UBE3D: variants seen among roughly 807,000 people sequenced by gnomAD.
The protein encoded by UBE3D is E3 ubiquitin-protein ligase E3D.
UBE3D carries 48 observed loss-of-function variants against 49.6 expected under a neutral mutation model. That is an observed-to-expected ratio of 0.97 (90% CI 0.77 to 1.23). The LOEUF is 1.23. Ranked by LOEUF, UBE3D falls within the 50% of genes most tolerant of loss-of-function variation. The probability of loss-of-function intolerance (pLI) is 0.00; values close to 1 mark genes in which losing one functional copy is unlikely to be tolerated. For missense variants in UBE3D, 452 were observed against 468.4 expected, an observed-to-expected ratio of 0.96 and a Z score of 0.32; for synonymous variants, 189 against 174.2, an observed-to-expected ratio of 1.08 and a Z score of -0.67.
intron 9 of UBE3D, among the ~76,000 whole-genome samples, chr6:82,922,338 A>G (rs1023375892): frequency 1.3e-5 from 2 of 152,212 alleles, no homozygotes; most frequent in African/African-American, 4.8e-5. Flanking sequence ...GGTAATTTCA[A>G]TCTTATATAA....
intron 9 of UBE3D, among the ~76,000 whole-genome samples, chr6:82,934,644 G>T (rs1315218299): frequency 6.6e-6 from 1 of 151,772 alleles, no homozygotes; most frequent in African/African-American, 2.4e-5. Flanking sequence ...CAAAACACAT[G>T]AAGACATCTA....
chr6:82,959,900 GGCA>G (rs1776431092), intron 8 of UBE3D, among the ~76,000 whole-genome samples: 1 of 152,006 alleles, frequency 6.6e-6, no homozygotes, highest in Admixed American at 6.6e-5. Flanking sequence ...GTGGAAGAAA[GGCA>G]GCTCCAGGAA....
At chr6:82,909,984 G>T (rs979726498) in intron 9 of UBE3D, among the ~76,000 whole-genome samples, 1 of 152,130 alleles carries the variant, frequency 6.6e-6, no homozygotes, top group Non-Finnish European at 1.5e-5. Context: ...TACCCTCAAC[G>T]TGTTCAAATG....
intron 9 of UBE3D, among the ~76,000 whole-genome samples, chr6:82,939,217 A>C (rs1465234866): frequency 6.6e-6 from 1 of 152,222 alleles, no homozygotes; most frequent in Non-Finnish European, 1.5e-5. Flanking sequence ...GGCTGCCCAG[A>C]GCCTGCCAGG....
chr6:82,981,704 A>G (rs1270077808), intron 8 of UBE3D, among the ~76,000 whole-genome samples: 1 of 152,140 alleles, frequency 6.6e-6, no homozygotes, highest in African/African-American at 2.4e-5. Context: ...CTCTGACAGA[A>G]CATTCTTCTA....
intron 8 of UBE3D, among the ~76,000 whole-genome samples, chr6:82,999,395 TA>T (rs1057343964): frequency 2.0e-5 from 3 of 152,156 alleles, no homozygotes; most frequent in African/African-American, 7.2e-5. Flanking sequence ...TGTTGGCTTT[TA>T]TATTTTTTGA....
At position 82,957,223 on chromosome 6, in the gene UBE3D, G is replaced by T. The variant is rs142923963; in HGVS notation, c.1149+89C>A. ...ATGATTTGAAACTAGGGAATTCCAC[G>T]GGCTATCTCCTGTGAAAGAGAGGAT... On this transcript the variant is annotated intron_variant, in intron 9 of 9. Transcript: ENST00000369747. 9.2e-5 allele frequency: 125 copies of T among 1,352,880 alleles called. 1 individual carries two copies. In the African/African-American group the frequency reaches 1.6e-3, roughly 17 times the overall value. 83.8% of individuals were successfully genotyped at this position (1,352,880 alleles called of 1,614,324 possible). A position where few individuals can be genotyped will look rare whatever the true frequency, so the allele number is the denominator to read the frequency against.
chr6:83,062,373 A>T (rs1784227131), intron 1 of UBE3D, among the ~76,000 whole-genome samples: 1 of 152,204 alleles, frequency 6.6e-6, no homozygotes. Flanking sequence ...TATGGCAGGA[A>T]TTAATCCATT....
chr6:82,933,140 C>A (rs921589702), intron 9 of UBE3D, among the ~76,000 whole-genome samples: 2 of 152,178 alleles, frequency 1.3e-5, no homozygotes, highest in African/African-American at 4.8e-5. Flanking sequence ...ATCACCTTCA[C>A]AGTATGACTC....
rs144470060 is a variant in UBE3D, at chr6:83,060,372, G to C, written c.78-2350C>G. 1.1e-4 allele frequency among the ~76,000 whole-genome samples: 17 copies of C among 152,334 alleles called. No homozygotes were observed. In the East Asian group the frequency reaches 3.3e-3, roughly 29 times the overall value. On this transcript the variant is annotated intron_variant, in intron 1 of 9. Transcript: ENST00000369747. ...ACAAAAAGAGAAAGCGAGGAAACTA[G>C]AATAGACCCTATGGTGGTGGGGCAG...
At chr6:82,910,882 C>A (rs1202295217) in intron 9 of UBE3D, among the ~76,000 whole-genome samples, 1 of 152,110 alleles carries the variant, frequency 6.6e-6, no homozygotes, top group Non-Finnish European at 1.5e-5. Flanking sequence ...GGGATCTTAA[C>A]AATCACTGTG....
chr6:83,008,096 G>C (rs144712546), intron 8 of UBE3D, among the ~76,000 whole-genome samples: 75 of 152,262 alleles, frequency 4.9e-4, no homozygotes, highest in African/African-American at 1.8e-3. Context: ...CAGATGTCTT[G>C]ATTAGGGTTT....
chr6:82,953,033 C>T (rs1775912675), intron 9 of UBE3D, among the ~76,000 whole-genome samples: 1 of 152,162 alleles, frequency 6.6e-6, no homozygotes, highest in Admixed American at 6.5e-5. Flanking sequence ...TTAAAGCTGC[C>T]ATTGCAGGAC....
chr6:82,915,228 A>G (rs1180580578), intron 9 of UBE3D, among the ~76,000 whole-genome samples: 2 of 152,206 alleles, frequency 1.3e-5, no homozygotes, highest in Non-Finnish European at 2.9e-5. Context: ...CATGCCTCTA[A>G]GACACAGCCT....
At chr6:82,957,249 C>G in intron 9 of UBE3D, 63 bp downstream of exon 9, 11 of 1,558,708 alleles carry the variant, frequency 7.1e-6, no homozygotes, top group Non-Finnish European at 8.8e-6. Flanking sequence ...AAGAGAGGAT[C>G]CTTAAAAAAT....
intron 5 of UBE3D, chr6:83,036,645 C>T (rs1782277573): frequency 6.6e-6 from 1 of 151,524 alleles, no homozygotes; most frequent in South Asian, 2.1e-4. Flanking sequence ...TAGTGTAAGG[C>T]AGTGAAATGC....
intron 8 of UBE3D, among the ~76,000 whole-genome samples, chr6:82,976,159 TG>T (rs1777703366): frequency 6.6e-6 from 1 of 152,230 alleles, no homozygotes; most frequent in African/African-American, 2.4e-5. Context: ...CCGGGGAATG[TG>T]GCTTCTTTGG....
At chr6:82,921,793 A>G (rs1374419834) in intron 9 of UBE3D, among the ~76,000 whole-genome samples, 1 of 152,232 alleles carries the variant, frequency 6.6e-6, no homozygotes, top group Non-Finnish European at 1.5e-5. Flanking sequence ...CAAGGAGAAC[A>G]TGAGCTTGCC....
Position 82,959,691 on chromosome 6 carries a change from C to T in UBE3D, c.1011-2241G>A, listed in dbSNP as rs1044404567. 3.0e-5 allele frequency among the ~76,000 whole-genome samples: 4 copies of T among 132,222 alleles called. No individual in the cohort carries two copies. In the East Asian group the frequency reaches 8.8e-4, roughly 29 times the overall value. 86.7% of individuals were successfully genotyped at this position (132,222 alleles called of 152,430 possible). ...GCTCTGTTTCTTTGAATCCAGTGAT[C>T]CAAATTCCTATCTCAGTGAGACCTC... is the stretch of plus-strand genomic sequence containing the variant. On this transcript the variant is annotated intron_variant, in intron 8 of 9. Transcript: ENST00000369747.
Sources: allele counts gnomAD v4.1 joint callset (sites outside exome capture counted in the v4.1 genomes callset), GRCh38; gene constraint gnomAD v4.1.1; transcripts MANE v1.5; gene names NCBI Gene and HGNC (gene_info 2026-07-23, HGNC 2026-07-21).